CNNM4: variants seen among roughly 807,000 people sequenced by gnomAD.
CNNM4 encodes the protein metal transporter CNNM4.
A neutral mutation model predicts 53.7 loss-of-function variants in CNNM4; 32 were observed. The observed-to-expected ratio is 0.60, with a 90% CI of 0.45 to 0.80. The LOEUF is 0.80. CNNM4 is among the 30% of genes least tolerant of loss of function. The pLI, the probability that CNNM4 is intolerant of heterozygous loss-of-function variation, is 0.00. For synonymous variants in CNNM4, 410 were observed against 440.0 expected (o/e 0.93, Z 0.85); for missense variants, 784 against 1,022.0 (o/e 0.77, Z 3.17).
At position 96,761,806 on chromosome 2, in the gene CNNM4, C is replaced by T; in HGVS notation, c.807C>T (p.Leu269=). 1 of 1,614,004 alleles carries T rather than the reference C, an allele frequency of 6.2e-7. No homozygotes were observed. Among genetic ancestry groups the T allele is most frequent in the South Asian group, 1.1e-5 (1 of 91,078 alleles). ...ILLDNLIGSG[L]MAVASSTIGI... is the part of the protein sequence containing the mutation. ...TAGACAACCTCATCGGGTCCGGCCT[C>T]ATGGCGGTGGCCTCCTCCACCATTG... Residue 269 remains leucine, a synonymous_variant, in exon 1 of 7, where the codon CTC becomes CTT. Transcript: ENST00000377075. This position sits in a 1 kb window ranked among gnomAD's most constrained non-coding sequence, Gnocchi z 6.0.
intron 1 of CNNM4, among the ~76,000 whole-genome samples, chr2:96,772,340 C>A (rs1288081699): frequency 1.4e-5 from 2 of 147,200 alleles, no homozygotes; most frequent in Non-Finnish European, 3.0e-5. Context: ...ACACTCATAC[C>A]CCTCACATAG....
At chr2:96,790,133 A>G (rs1211147122) in intron 1 of CNNM4, among the ~76,000 whole-genome samples, 1 of 148,806 alleles carries the variant, frequency 6.7e-6, no homozygotes, top group Non-Finnish European at 1.5e-5. Flanking sequence ...CAGCCTCCCA[A>G]GTAGCTGGGA....
Position 96,811,270 on chromosome 2 carries a change from G to A in CNNM4, c.*1753G>A, listed in dbSNP as rs1574091103. 6.6e-6 allele frequency: 1 copy of A among 152,226 alleles called. No individual in the cohort carries two copies. The highest frequency in any genetic ancestry group is 2.1e-4 in the South Asian group (1 of 4,830). The allele number at this position is 152,226 out of a possible 1,614,324, so 9.4% of individuals were successfully genotyped here. A position where few individuals can be genotyped will look rare whatever the true frequency, so the allele number is the denominator to read the frequency against. ...CACCAGACTTTTGTTCCCTAGTGGG[G>A]GAAAGCCCTTAGTCTTGTACAGGAG... On this transcript the variant is annotated 3_prime_UTR_variant, in exon 7 of 7. Coordinates refer to ENST00000377075, the MANE Select transcript of CNNM4 (RefSeq NM_020184.4).
chr2:96,805,179 C>T (rs2079190581), intron 5 of CNNM4, among the ~76,000 whole-genome samples: 1 of 151,902 alleles, frequency 6.6e-6, no homozygotes, highest in Non-Finnish European at 1.5e-5. Flanking sequence ...AGAGATGTTA[C>T]TCATTAGATA....
At chr2:96,772,723 A>G (rs1263677642) in intron 1 of CNNM4, among the ~76,000 whole-genome samples, 1 of 95,144 alleles carries the variant, frequency 1.1e-5, no homozygotes, top group Non-Finnish European at 2.0e-5. Context: ...TCACACACAC[A>G]TGCGTGCACA....
chr2:96,760,914 G>T lies in CNNM4; in HGVS notation c.-86G>T, dbSNP rs1209470145. The T allele has an allele frequency of 5.3e-6, 4 of 751,112 alleles. No individual in the cohort carries two copies. Among genetic ancestry groups the T allele is most frequent in the African/African-American group, 3.8e-5 (2 of 52,414 alleles). The allele number at this position is 751,112 out of a possible 1,614,324, so 46.5% of individuals were successfully genotyped here. On this transcript the variant is annotated 5_prime_UTR_variant, in exon 1 of 7. Coordinates refer to ENST00000377075, the MANE Select transcript of CNNM4 (RefSeq NM_020184.4). ...TCGCGGCCCGGGCAGTTGGCTCGGC[G>T]GCAGCGGAGCGGCCGGAGCTGCGGT... is the stretch of plus-strand genomic sequence containing the variant.
In CNNM4 at chr2:96,797,508, G is replaced by A. The variant is rs762463681; in HGVS notation, c.1547-5G>A. The A allele has an allele frequency of 1.2e-5, 20 of 1,613,790 alleles. No individual in the cohort carries two copies. Among genetic ancestry groups the A allele is most frequent in the Admixed American group, 1.0e-4 (6 of 60,006 alleles). ...GTTCTCAATTCCACGCTCTTCTTCCGGCAGCTGACAACCGAAGCCGGAAGC... is the reference window on the plus strand; with the variant it reads ...GTTCTCAATTCCACGCTCTTCTTCCAGCAGCTGACAACCGAAGCCGGAAGC... On this transcript the variant is annotated splice_polypyrimidine_tract_variant and splice_region_variant and intron_variant, in intron 2 of 6. Transcript: ENST00000377075. This position sits in a 1 kb window ranked among gnomAD's most constrained non-coding sequence, Gnocchi z 6.0.
rs765943725 is a variant in CNNM4, at chr2:96,809,433, G to C, written c.2244G>C (p.Glu748Asp). The C allele has an allele frequency of 9.4e-5, 151 of 1,614,104 alleles. No homozygotes were observed. Among genetic ancestry groups the C allele is most frequent in the Non-Finnish European group, 1.2e-4 (141 of 1,180,054 alleles). The change falls in exon 7 of 7, where the codon GAG becomes GAC. Residue 748 changes from glutamate (E) to aspartate (D), a missense_variant. By Grantham distance (45) the Glu-to-Asp change is conservative. This residue lies in a region of CNNM4 where 307 missense variants were observed against 376.3 expected (regional missense o/e 0.82). Transcript: ENST00000377075. ...TGGAGAACTTGGCCGAGAAGTCTGA[G>C]CTGCCTGTGGTGGACGAGACCACAA... ...THMENLAEKS[E>D]LPVVDETTTL...
intron 1 of CNNM4, among the ~76,000 whole-genome samples, chr2:96,762,606 G>T (rs1419463342): frequency 2.6e-5 from 4 of 152,134 alleles, no homozygotes; most frequent in African/African-American, 9.7e-5. Context: ...TGTGCTGTGT[G>T]CTCCTGATGA....
chr2:96,786,615 A>G (rs1188540247), intron 1 of CNNM4, among the ~76,000 whole-genome samples: 1 of 151,564 alleles, frequency 6.6e-6, no homozygotes, highest in Non-Finnish European at 1.5e-5. Context: ...CCCGTCTACT[A>G]AAAAATACAA....
chr2:96,783,015 G>A (rs545381771), intron 1 of CNNM4, among the ~76,000 whole-genome samples: 2 of 152,026 alleles, frequency 1.3e-5, no homozygotes, highest in Admixed American at 6.5e-5. Context: ...AGACCAGCCT[G>A]GTCAACATGT....
At chr2:96,779,539 A>AT (rs1256426576) in intron 1 of CNNM4, among the ~76,000 whole-genome samples, 1 of 150,640 alleles carries the variant, frequency 6.6e-6, no homozygotes, top group Non-Finnish European at 1.5e-5. Flanking sequence ...AATCCATATG[A>AT]TACCCAGGAC....
chr2:96,763,879 G>A (rs2078788104), intron 1 of CNNM4, among the ~76,000 whole-genome samples: 1 of 151,590 alleles, frequency 6.6e-6, no homozygotes, highest in Admixed American at 6.6e-5. Context: ...CAGAGGCTGC[G>A]GTGGGGTGGG....
chr2:96,807,991 C>T (rs180849232), intron 5 of CNNM4, among the ~76,000 whole-genome samples: 9 of 152,046 alleles, frequency 5.9e-5, no homozygotes, highest in East Asian at 3.9e-4. Context: ...CAGGTTCAAG[C>T]GATTCTCCTG....
chr2:96,772,281 A>T (rs373118324), intron 1 of CNNM4, among the ~76,000 whole-genome samples: 1 of 137,774 alleles, frequency 7.3e-6, no homozygotes, highest in South Asian at 2.3e-4. Flanking sequence ...ACACACACTC[A>T]TACCCCCACA....
intron 1 of CNNM4, among the ~76,000 whole-genome samples, chr2:96,769,216 A>C (rs1171220689): frequency 6.6e-6 from 1 of 151,416 alleles, no homozygotes; most frequent in East Asian, 2.0e-4. Context: ...GCGCCACTGC[A>C]CTCCAGCCTG....
At chr2:96,779,941 T>A (rs2078959269) in intron 1 of CNNM4, among the ~76,000 whole-genome samples, 1 of 152,058 alleles carries the variant, frequency 6.6e-6, no homozygotes, top group Admixed American at 6.6e-5. Context: ...TAGCTGGGGC[T>A]ACAGGCACGT....
intron 5 of CNNM4, among the ~76,000 whole-genome samples, chr2:96,799,994 A>G (rs980149293): frequency 1.3e-5 from 2 of 151,992 alleles, no homozygotes; most frequent in African/African-American, 4.8e-5. Flanking sequence ...GCTCCTGAGG[A>G]CAGGAGGGGA....
chr2:96,775,511 G>T (rs2078916513), intron 1 of CNNM4, among the ~76,000 whole-genome samples: 1 of 152,158 alleles, frequency 6.6e-6, no homozygotes, highest in African/African-American at 2.4e-5. Flanking sequence ...ACACTCTTGT[G>T]CATGTCTCTT....
Sources: gnomAD v4.1 joint callset for allele counts (sites outside exome capture counted in the v4.1 genomes callset) on GRCh38, gnomAD v4.1.1 for gene constraint, gnomAD v4.1.1 regional missense constraint, Gnocchi (gnomAD v3.1) non-coding constraint, MANE v1.5 for transcripts, NCBI Gene and HGNC (gene_info 2026-07-23, HGNC 2026-07-21) for gene names.